The following PCNX2 variants were observed in gnomAD, a reference collection of about 807,000 sequenced individuals.
PCNX2 encodes the protein pecanex-like protein 2.
Under a neutral mutation model 223.8 loss-of-function variants are expected in PCNX2, and 168 were observed. The observed-to-expected ratio is 0.75, with a 90% CI of 0.66 to 0.85. The LOEUF (loss-of-function observed/expected upper bound fraction) is 0.85, where lower values mean the gene tolerates loss of function less well. Ranked by LOEUF, PCNX2 falls within the 40% of genes least tolerant of loss-of-function variation. The pLI, the probability that PCNX2 is intolerant of heterozygous loss-of-function variation, is 0.00. For missense variants in PCNX2, 2,507 were observed against 2,675.5 expected (o/e 0.94, Z 1.39); for synonymous variants, 1,006 against 1,052.6 (o/e 0.96, Z 0.86).
Position 233,064,932 on chromosome 1 carries a change from C to T in PCNX2, c.4077-7642G>A, listed in dbSNP as rs547296657. Among the ~76,000 whole-genome samples the T allele has an allele frequency of 2.0e-5, 3 of 152,244 alleles. No homozygotes were observed. In the South Asian group the frequency reaches 6.2e-4, roughly 32 times the overall value. On this transcript the variant is annotated intron_variant, in intron 23 of 33. Transcript: ENST00000258229. Reference sequence around the variant, plus strand: ...ACTGTTGCTGTGTAGAAGTCTTCTACTGATCTTTGTGAATTTTAGTCTTAG... The same window carrying T: ...ACTGTTGCTGTGTAGAAGTCTTCTATTGATCTTTGTGAATTTTAGTCTTAG...
chr1:233,288,838 A>G (rs1330608252), intron 1 of PCNX2: 5 of 783,872 alleles, frequency 6.4e-6, no homozygotes, highest in Admixed American at 2.6e-5. Context: ...CTGTGAATAT[A>G]TATTTTTTAT....
Position 232,998,697 on chromosome 1 carries a change from T to C in PCNX2, c.5604-259A>G, listed in dbSNP as rs75548510. Among the ~76,000 whole-genome samples the C allele has an allele frequency of 5.3e-3, 811 of 152,350 alleles. 9 individuals carry two copies. Among genetic ancestry groups the C allele is most frequent in the African/African-American group, 0.019 (781 of 41,576 alleles). On this transcript the variant is annotated intron_variant, in intron 31 of 33. Transcript: ENST00000258229. ...AGCACTGAGGCTTGATAGGGAGCTCTGTCGTCTTCAGGCAAAACTTCTTAG... is the reference window on the plus strand; with the variant it reads ...AGCACTGAGGCTTGATAGGGAGCTCCGTCGTCTTCAGGCAAAACTTCTTAG...
chr1:233,023,076 T>TGGTCCTCACTGCC (rs1455481441), intron 26 of PCNX2, among the ~76,000 whole-genome samples: 1 of 152,208 alleles, frequency 6.6e-6, no homozygotes, highest in Non-Finnish European at 1.5e-5. Flanking sequence ...CCCACACTGC[T>TGGTCCTCACTGCC]GGTCCTCACT....
upstream of PCNX2, among the ~76,000 whole-genome samples, chr1:233,295,986 TTTTC>T (rs1243130740): frequency 1.3e-3 from 189 of 146,790 alleles, no homozygotes; most frequent in Middle Eastern, 3.5e-3. The surrounding 1 kb of genome is among the most constrained non-coding windows in gnomAD (Gnocchi z 4.1). Flanking sequence ...CTCGCTCTTT[TTTTC>T]TTTCTTTCTT....
chr1:233,064,267 T>C (rs1378818411), intron 23 of PCNX2, among the ~76,000 whole-genome samples: 2 of 152,212 alleles, frequency 1.3e-5, no homozygotes, highest in Non-Finnish European at 2.9e-5. Flanking sequence ...TCTAGGGGTT[T>C]TACACACCAG....
chr1:233,040,760 G>A (rs954364635), intron 25 of PCNX2, among the ~76,000 whole-genome samples: 7 of 151,946 alleles, frequency 4.6e-5, no homozygotes, highest in African/African-American at 1.7e-4. Flanking sequence ...CCTGGTGCCC[G>A]GTCCAATCTC....
chr1:233,028,100 A>G (rs926458553), intron 25 of PCNX2, among the ~76,000 whole-genome samples: 6 of 152,192 alleles, frequency 3.9e-5, no homozygotes, highest in African/African-American at 1.4e-4. Context: ...TGGAGAATGA[A>G]CACTTATTAT....
At chr1:233,320,971 G>A in the PCNX2 span, among the ~76,000 whole-genome samples, 5 of 151,036 alleles carry the variant, frequency 3.3e-5, no homozygotes, top group South Asian at 2.1e-4. Flanking sequence ...GGTTTTCCAC[G>A]GAATAAGAGA....
rs73103447 is a variant in PCNX2 at position 233,010,877 on chromosome 1, T to C, written c.4952+3788A>G. Among the ~76,000 whole-genome samples, 1,449 of 152,304 alleles carry C rather than the reference T, an allele frequency of 9.5e-3. 21 individuals are homozygous for C. The highest frequency in any genetic ancestry group is 0.033 in the African/African-American group (1,370 of 41,572). ...TTTGCATGCATATATTTTTCTTTCT[T>C]CAGGACTATCCATCAAATCTATGTC... On this transcript the variant is annotated intron_variant, in intron 28 of 33. Coordinates refer to ENST00000258229, the MANE Select transcript of PCNX2 (RefSeq NM_014801.4).
intron 23 of PCNX2, among the ~76,000 whole-genome samples, chr1:233,081,530 G>A (rs1673359017): frequency 6.6e-6 from 1 of 152,072 alleles, no homozygotes; most frequent in Non-Finnish European, 1.5e-5. Context: ...ACCAGGCCGG[G>A]GCCATGGAGA....
intron 1 of PCNX2, among the ~76,000 whole-genome samples, chr1:233,275,738 G>C (rs949573847): frequency 6.6e-6 from 1 of 152,036 alleles, no homozygotes; most frequent in Admixed American, 6.6e-5. Flanking sequence ...ATTTATAATA[G>C]ACAAGGGGTG....
Position 233,219,433 on chromosome 1 carries a change from C to T in PCNX2, c.2505-1249G>A, listed in dbSNP as rs565400706. Among the ~76,000 whole-genome samples the T allele has an allele frequency of 1.8e-4, 28 of 152,036 alleles. 1 individual carries two copies. In the South Asian group the frequency reaches 2.7e-3, roughly 15 times the overall value. On this transcript the variant is annotated intron_variant, in intron 10 of 33. Transcript: ENST00000258229. Reference sequence around the variant, plus strand: ...GTGGCAGAAATGGAGTCACAGGGGACGGCATGGACCACAGGGTCAGGGAAC... The same window carrying T: ...GTGGCAGAAATGGAGTCACAGGGGATGGCATGGACCACAGGGTCAGGGAAC...
At chr1:233,102,603 T>G (rs1023356489) in intron 21 of PCNX2, among the ~76,000 whole-genome samples, 6 of 152,192 alleles carry the variant, frequency 3.9e-5, no homozygotes, top group African/African-American at 1.4e-4. Flanking sequence ...GTTTCACTTC[T>G]CTGATGATTA....
intron 10 of PCNX2, 148 bp downstream of exon 10, chr1:233,227,078 C>CT: frequency 7.1e-6 from 6 of 849,038 alleles, no homozygotes; most frequent in Non-Finnish European, 9.8e-6. Flanking sequence ...TTGTCAGGAT[C>CT]TTTTTGCTTT....
chr1:232,984,711 G>C (rs2102770515), intron 33 of PCNX2: 1 of 478,676 alleles, frequency 2.1e-6, no homozygotes, highest in South Asian at 3.0e-5. Context: ...GGGCCTTTCT[G>C]GATGACTGCG....
At chr1:233,289,400 C>T (rs966731621) in intron 1 of PCNX2, 74 of 1,408,434 alleles carry the variant, frequency 5.3e-5, no homozygotes, top group African/African-American at 4.0e-4. Context: ...CGAACTCGTC[C>T]GGCTTCTCGC....
In PCNX2 at chr1:233,129,154, G is replaced by C. The variant is rs34797899; in HGVS notation, c.3837+5859C>G. ...GCGTGGGCGGGAACCTGGGCTGTGC[G>C]TGGCGCTTGTGGGCCAGCTAGAGTT... is the stretch of plus-strand genomic sequence containing the variant. On this transcript the variant is annotated intron_variant, in intron 21 of 33. Coordinates refer to ENST00000258229, the MANE Select transcript of PCNX2 (RefSeq NM_014801.4). Among the ~76,000 whole-genome samples, 34 of 152,032 alleles carry C rather than the reference G, an allele frequency of 2.2e-4. No individual in the cohort carries two copies. The East Asian group carries it at 5.2e-3, about 23-fold the overall frequency.
intron 23 of PCNX2, among the ~76,000 whole-genome samples, chr1:233,061,086 A>T (rs1014861280): frequency 6.6e-6 from 1 of 152,218 alleles, no homozygotes; most frequent in Non-Finnish European, 1.5e-5. Context: ...CACACAGTCT[A>T]TGGTAAAAGT....
Position 233,295,704 on chromosome 1 carries a change from G to C in PCNX2, c.-226C>G, listed in dbSNP as rs1397884426. 2.4e-6 allele frequency: 1 copy of C among 418,266 alleles called. No homozygotes were observed. Among genetic ancestry groups the C allele is most frequent in the African/African-American group, 2.1e-5 (1 of 47,830 alleles). The allele number at this position is 418,266 out of a possible 1,614,324, so 25.9% of individuals were successfully genotyped here. ...GGAGCCGGCTGCTGCGGCCGGGCAG[G>C]TGAGCGCCATGTCCGAGGGAGGAAG... On this transcript the variant is annotated 5_prime_UTR_variant, in exon 1 of 34. Coordinates refer to ENST00000258229, the MANE Select transcript of PCNX2 (RefSeq NM_014801.4). The surrounding 1 kb of genome is among the most constrained non-coding windows in gnomAD (Gnocchi z 4.1).
Sources: allele counts gnomAD v4.1 joint callset (sites outside exome capture counted in the v4.1 genomes callset), GRCh38; gene constraint gnomAD v4.1.1; non-coding constraint Gnocchi (gnomAD v3.1); transcripts MANE v1.5; gene names NCBI Gene and HGNC (gene_info 2026-07-23, HGNC 2026-07-21).